The following CCDC28A variants were observed in gnomAD, a reference collection of about 807,000 sequenced individuals.
The protein encoded by CCDC28A is coiled-coil domain-containing protein 28A.
Under a neutral mutation model 22.1 loss-of-function variants are expected in CCDC28A, and 24 were observed. The observed-to-expected ratio is 1.09, with a 90% confidence interval of 0.79 to 1.53. The LOEUF is 1.53. CCDC28A is among the 40% of genes most tolerant of loss of function. The probability of loss-of-function intolerance (pLI) is 0.00; values close to 1 mark genes in which losing one functional copy is unlikely to be tolerated. For synonymous variants in CCDC28A, 83 were observed against 74.7 expected (o/e 1.11, Z -0.57); for missense variants, 170 against 210.7 (o/e 0.81, Z 1.20).
At chr6:138,774,265 A>G (rs1451074189) in intron 1 of CCDC28A, among the ~76,000 whole-genome samples, 1 of 152,060 alleles carries the variant, frequency 6.6e-6, no homozygotes, top group Non-Finnish European at 1.5e-5. Context: ...CCACTGGTTT[A>G]TTTGCATTGC....
intron 4 of CCDC28A, among the ~76,000 whole-genome samples, chr6:138,786,576 G>A (rs1775096119): frequency 6.6e-6 from 1 of 152,030 alleles, no homozygotes; most frequent in African/African-American, 2.4e-5. Context: ...TTTATTTCAT[G>A]TCTGTCTTAC....
chr6:138,780,889 A>G (rs1413885763), intron 3 of CCDC28A, among the ~76,000 whole-genome samples: 1 of 152,174 alleles, frequency 6.6e-6, no homozygotes, highest in Admixed American at 6.5e-5. Flanking sequence ...CAATATTTTA[A>G]AAAGCAATTT....
chr6:138,774,666 AG>A (rs1267759252), intron 1 of CCDC28A, among the ~76,000 whole-genome samples: 1 of 152,246 alleles, frequency 6.6e-6, no homozygotes, highest in Non-Finnish European at 1.5e-5. Flanking sequence ...TTCCAGTGCC[AG>A]TGGCACTAAG....
chr6:138,774,054 T>C (rs1774886759), intron 1 of CCDC28A, 152 bp downstream of exon 1: 2 of 945,544 alleles, frequency 2.1e-6, no homozygotes, highest in Non-Finnish European at 3.1e-6. Flanking sequence ...TGCCCAGTGG[T>C]ACTGCTTGGA....
intron 2 of CCDC28A, 60 bp downstream of exon 2, chr6:138,776,338 ACTT>A (rs1477733798): frequency 1.5e-6 from 2 of 1,358,608 alleles, no homozygotes; most frequent in Middle Eastern, 2.0e-4. Flanking sequence ...TCCTGACTCA[ACTT>A]CTTCTTAAAC....
intron 5 of CCDC28A, among the ~76,000 whole-genome samples, chr6:138,791,299 C>T (rs1391237563): frequency 1.3e-5 from 2 of 151,692 alleles, no homozygotes; most frequent in Non-Finnish European, 2.9e-5. Context: ...CCAGATTGGT[C>T]TCAAACTCCT....
intron 1 of CCDC28A, among the ~76,000 whole-genome samples, chr6:138,774,504 T>G (rs186166233): frequency 1.3e-5 from 2 of 152,322 alleles, no homozygotes; most frequent in Non-Finnish European, 2.9e-5. Context: ...AAAGAAAAAT[T>G]GTTAGCCAAG....
rs201981591 is a variant in CCDC28A at position 138,773,781 on chromosome 6, A to T, written c.-164A>T. 1.9e-6 allele frequency: 3 copies of T among 1,613,264 alleles called. No individual in the cohort carries two copies. In the African/African-American group the frequency reaches 4.0e-5, roughly 22 times the overall value. Reference sequence around the variant, plus strand: ...TTACGTCACTTCCGTAAACAAACGGAGCTGCGGAGGAGCGGGTCCCGGGAT... The same window carrying T: ...TTACGTCACTTCCGTAAACAAACGGTGCTGCGGAGGAGCGGGTCCCGGGAT... On this transcript the variant is annotated 5_prime_UTR_variant, in exon 1 of 6. Coordinates refer to ENST00000617445, the MANE Select transcript of CCDC28A (RefSeq NM_015439.3).
At chr6:138,777,841 C>T (rs1774958280) in intron 2 of CCDC28A, among the ~76,000 whole-genome samples, 1 of 152,110 alleles carries the variant, frequency 6.6e-6, no homozygotes, top group South Asian at 2.1e-4. Context: ...ATACATTTGT[C>T]ATGCTGAAAC....
At chr6:138,775,526 CTG>C (rs1165659233) in intron 1 of CCDC28A, among the ~76,000 whole-genome samples, 1 of 152,210 alleles carries the variant, frequency 6.6e-6, no homozygotes. Flanking sequence ...TAGCTAGAAA[CTG>C]AGTTTCTGTT....
At position 138,789,437 on chromosome 6, in the gene CCDC28A, G is replaced by T. The variant is rs553520124; in HGVS notation, c.500+1049G>T. 1.1e-4 allele frequency among the ~76,000 whole-genome samples: 16 copies of T among 152,220 alleles called. No individual in the cohort carries two copies. In the Middle Eastern group the frequency reaches 0.01, roughly 97 times the overall value. ...TTGCTACATGTGATGATGCGTATGTGAAAATTTCCAAACTATATATATAAA... is the reference window on the plus strand; with the variant it reads ...TTGCTACATGTGATGATGCGTATGTTAAAATTTCCAAACTATATATATAAA... On this transcript the variant is annotated intron_variant, in intron 5 of 5. Coordinates refer to ENST00000617445, the MANE Select transcript of CCDC28A (RefSeq NM_015439.3).
chr6:138,779,046 G>T (rs1343346576), intron 2 of CCDC28A, among the ~76,000 whole-genome samples: 1 of 152,190 alleles, frequency 6.6e-6, no homozygotes, highest in Non-Finnish European at 1.5e-5. Flanking sequence ...GGAATTATAG[G>T]CACGAGCCAC....
intron 3 of CCDC28A, among the ~76,000 whole-genome samples, chr6:138,780,934 C>T (rs1039152835): frequency 2.0e-5 from 3 of 152,108 alleles, no homozygotes; most frequent in East Asian, 1.9e-4. Flanking sequence ...AAAATTTTAA[C>T]TTCCCCAGTT....
chr6:138,785,410 TA>T (rs770315275), intron 4 of CCDC28A, 29 bp downstream of exon 4: 106 of 1,542,018 alleles, frequency 6.9e-5, no homozygotes, highest in South Asian at 8.4e-5. Flanking sequence ...CTTTGTTCTT[TA>T]AAAAAAAATT....
rs536112712 is a variant in CCDC28A, at chr6:138,789,785, A to G, written c.500+1397A>G. 3.6e-4 allele frequency among the ~76,000 whole-genome samples: 55 copies of G among 152,294 alleles called. No homozygotes were observed. In the South Asian group the frequency reaches 8.1e-3, roughly 22 times the overall value. ...GGTTGCAGTAAGTAGGGATCCTGCC[A>G]TTTCCATCCTGGGCAAAAGAAATCA... is the stretch of plus-strand genomic sequence containing the variant. On this transcript the variant is annotated intron_variant, in intron 5 of 5. Transcript: ENST00000617445.
chr6:138,781,399 G>A (rs1775018643), intron 3 of CCDC28A, among the ~76,000 whole-genome samples: 1 of 152,150 alleles, frequency 6.6e-6, no homozygotes, highest in Non-Finnish European at 1.5e-5. Context: ...CTTTAGGCTG[G>A]TGCCTCTATT....
chr6:138,785,472 G>A (rs745780448), intron 4 of CCDC28A, 91 bp downstream of exon 4: 137 of 903,300 alleles, frequency 1.5e-4, no homozygotes, highest in Middle Eastern at 2.2e-4. Flanking sequence ...ATACAATCAC[G>A]TGGTTGCTAG....
intron 4 of CCDC28A, among the ~76,000 whole-genome samples, chr6:138,787,353 A>T (rs1386849969): frequency 6.6e-6 from 1 of 152,150 alleles, no homozygotes; most frequent in Non-Finnish European, 1.5e-5. Flanking sequence ...GAAGTGGTTC[A>T]TGCCCTCCCC....
At chr6:138,778,689 C>T (rs1469445889) in intron 2 of CCDC28A, among the ~76,000 whole-genome samples, 1 of 151,718 alleles carries the variant, frequency 6.6e-6, no homozygotes. Flanking sequence ...GAAAGAGATT[C>T]AGTGGCTAGA....
Sources: allele counts gnomAD v4.1 joint callset (sites outside exome capture counted in the v4.1 genomes callset), GRCh38; gene constraint gnomAD v4.1.1; transcripts MANE v1.5; gene names NCBI Gene and HGNC (gene_info 2026-07-23, HGNC 2026-07-21).